Variants in C12orf57 observed in about 807,000 individuals in gnomAD.
C12orf57 encodes protein C10.
A neutral mutation model predicts 11.3 loss-of-function variants in C12orf57; 14 were observed. The ratio of observed to expected loss-of-function variants is 1.24; its 90% CI spans 0.82 to 1.94. The LOEUF (loss-of-function observed/expected upper bound fraction) is 1.94. Ranked by LOEUF, C12orf57 falls within the 30% of genes most tolerant of loss-of-function variation. The pLI is 0.00. For synonymous variants in C12orf57, 100 were observed against 74.6 expected (o/e 1.34, Z -1.76); for missense variants, 229 against 172.4 (o/e 1.33, Z -1.84).
upstream of C12orf57, chr12:6,943,633 G>A: frequency 7.8e-7 from 1 of 1,289,354 alleles, no homozygotes; most frequent in Non-Finnish European, 1.0e-6. Flanking sequence ...GAGAACAAAT[G>A]TTCGCGAACT....
At position 6,945,924 on chromosome 12, in the gene C12orf57, A is replaced by G; in HGVS notation, c.*2A>G. On this transcript the variant is annotated 3_prime_UTR_variant, in exon 3 of 3. Transcript: ENST00000229281. ...GGTGGCAGCGTGGCCGCCTCCTGAGAGTTGGCCCTCCCTTGTGCCACTGCC... is the reference window on the plus strand; with the variant it reads ...GGTGGCAGCGTGGCCGCCTCCTGAGGGTTGGCCCTCCCTTGTGCCACTGCC... 6.2e-7 allele frequency: 1 copy of G among 1,610,024 alleles called. No individual in the cohort carries two copies. The highest frequency in any genetic ancestry group is 1.1e-5 in the South Asian group (1 of 90,734).
chr12:6,943,948 T>C (rs142663826), upstream of C12orf57: 1,527 of 1,471,392 alleles, frequency 1.0e-3, 15 homozygotes, highest in South Asian at 0.011. Flanking sequence ...TTGGTGGTCT[T>C]GATGCAGTTG....
At chr12:6,944,749 T>C (rs782652214) in intron 2 of C12orf57, 97 bp downstream of exon 2, 11 of 1,572,630 alleles carry the variant, frequency 7.0e-6, no homozygotes, top group Non-Finnish European at 8.7e-6. Context: ...GTTGTCCCCT[T>C]TCTCGCCACA....
At chr12:6,943,895 CCAATGATAGATT>C, upstream of C12orf57, 1 of 1,082,600 alleles carries the variant, frequency 9.2e-7, no homozygotes, top group Non-Finnish European at 1.3e-6. Context: ...ATGTTTGTTG[CCAATGATAGATT>C]GTTTTCACTG....
Position 6,944,092 on chromosome 12 carries a change from C to G in C12orf57, c.-30C>G, listed in dbSNP as rs782442494. 1.2e-6 allele frequency: 2 copies of G among 1,614,162 alleles called. No homozygotes were observed. The highest frequency in any genetic ancestry group is 2.2e-5 in the East Asian group (1 of 44,880). On this transcript the variant is annotated 5_prime_UTR_variant, in exon 1 of 3. Coordinates refer to ENST00000229281, the MANE Select transcript of C12orf57 (RefSeq NM_138425.4). ...CTTTATTCGTGAGTTTTCCATTTAC[C>G]TCCGCTGAACCTAGAGCTTCAGACG...
intron 1 of C12orf57, 74 bp downstream of exon 1, chr12:6,944,247 G>C: frequency 6.2e-7 from 1 of 1,612,054 alleles, no homozygotes; most frequent in Non-Finnish European, 8.5e-7. Flanking sequence ...GTCTGGGGAG[G>C]ATGCGGGCGG....
chr12:6,945,707 C>A, intron 2 of C12orf57, 64 bp from the exon 3 acceptor site: 1 of 1,554,956 alleles, frequency 6.4e-7, no homozygotes, highest in Non-Finnish European at 8.8e-7. Context: ...ACTACCACCC[C>A]CTCCAGGTGT....
At chr12:6,944,297 A>G (rs1262939893) in intron 1 of C12orf57, 124 bp downstream of exon 1, 3 of 1,594,764 alleles carry the variant, frequency 1.9e-6, no homozygotes, top group South Asian at 1.1e-5. Flanking sequence ...CCGCCGGGAA[A>G]ATGGGGTAGG....
rs782446700 is a variant in C12orf57, at chr12:6,944,169, A to C, written c.48A>C (p.Ala16=). The C allele has an allele frequency of 5.0e-6, 8 of 1,614,186 alleles. No individual in the cohort carries two copies. Among genetic ancestry groups the C allele is most frequent in the Non-Finnish European group, 6.8e-6 (8 of 1,179,988 alleles). The change falls in exon 1 of 3, where the codon GCA becomes GCC. Residue 16 remains alanine (A), a synonymous_variant. Coordinates refer to ENST00000229281, the MANE Select transcript of C12orf57 (RefSeq NM_138425.4). ...CGGCGGCCTTGAGCGCTGAGCAAGCAAAGGGTGAGAATCGTCCTAGTCAAG... is the reference window on the plus strand; with the variant it reads ...CGGCGGCCTTGAGCGCTGAGCAAGCCAAGGGTGAGAATCGTCCTAGTCAAG... The part of the protein sequence containing the change: ...TQPAALSAEQ[A]KVVLAEVIQA...
At chr12:6,943,893 T>C (rs1394800192), upstream of C12orf57, 6 of 1,075,142 alleles carry the variant, frequency 5.6e-6, no homozygotes, top group South Asian at 1.6e-5. Flanking sequence ...TGATGTTTGT[T>C]GCCAATGATA....
upstream of C12orf57, chr12:6,943,991 T>G (rs1192482477): frequency 1.8e-5 from 29 of 1,588,304 alleles, no homozygotes; most frequent in African/African-American, 4.1e-5. Flanking sequence ...GGGCCACGCC[T>G]GGGCGCTTCC....
At chr12:6,943,915 C>T (rs782793528), upstream of C12orf57, 185 of 1,237,880 alleles carry the variant, frequency 1.5e-4, no homozygotes, top group African/African-American at 1.2e-3. Context: ...ATTGTTTTCA[C>T]TGTGCAAAAA....
At chr12:6,944,815 C>T (rs1408072025) in intron 2 of C12orf57, 163 bp downstream of exon 2, 1 of 1,462,384 alleles carries the variant, frequency 6.8e-7, no homozygotes, top group African/African-American at 1.4e-5. Flanking sequence ...AGGGTCTACC[C>T]TGAGCTTGTG....
rs782640048 is a variant in C12orf57, at chr12:6,944,174, G to T, written c.52+1G>T. The T allele has an allele frequency of 1.2e-6, 2 of 1,614,100 alleles. No individual in the cohort carries two copies. The highest frequency in any genetic ancestry group is 3.3e-5 in the Admixed American group (2 of 60,008). On this transcript the variant is annotated splice_donor_variant, in intron 1 of 2. Coordinates refer to ENST00000229281, the MANE Select transcript of C12orf57 (RefSeq NM_138425.4). LOFTEE classifies it high-confidence loss of function. ...GCCTTGAGCGCTGAGCAAGCAAAGG[G>T]TGAGAATCGTCCTAGTCAAGGCATA...
In C12orf57 at chr12:6,944,116, C is replaced by T. The variant is rs782600694; in HGVS notation, c.-6C>T. ...CCTCCGCTGAACCTAGAGCTTCAGA[C>T]GCCCTATGGCGTCCGCCTCGACCCA... On this transcript the variant is annotated 5_prime_UTR_variant, in exon 1 of 3. It adds an upstream start codon to the 5' untranslated region. Transcript: ENST00000229281. The T allele has an allele frequency of 3.7e-6, 6 of 1,614,066 alleles. No individual in the cohort carries two copies. The East Asian group carries it at 6.7e-5, about 18-fold the overall frequency.
chr12:6,944,479 T>C lies in C12orf57; in HGVS notation c.56T>C (p.Val19Ala), dbSNP rs1565574736. Residue 19 changes from valine (V) to alanine (A), a missense_variant, in exon 2 of 3, where the codon GTC becomes GCC. Physicochemically the swap from Val to Ala is moderately conservative, Grantham distance 64. Coordinates refer to ENST00000229281, the MANE Select transcript of C12orf57 (RefSeq NM_138425.4). ...AALSAEQAKV[V>A]LAEVIQAFSA... ...CTGGGATGCTTCTGGCGCGCAGTGG[T>C]CCTCGCGGAGGTGATCCAGGCGTTC... 2 of 1,611,906 alleles carry C rather than the reference T, an allele frequency of 1.2e-6. No homozygotes were observed. Among genetic ancestry groups the C allele is most frequent in the Non-Finnish European group, 8.5e-7 (1 of 1,179,744 alleles).
chr12:6,944,989 A>G, intron 2 of C12orf57: 1 of 685,776 alleles, frequency 1.5e-6, no homozygotes, highest in Non-Finnish European at 2.2e-6. Context: ...TGTTTCATAT[A>G]CACGCACCTT....
At chr12:6,943,785 T>C, upstream of C12orf57, 1 of 955,570 alleles carries the variant, frequency 1.0e-6, no homozygotes, top group East Asian at 4.7e-5. Context: ...AGTTCCTTTA[T>C]ATCCCATCTT....
chr12:6,945,027 A>ATAATAGTCT, intron 2 of C12orf57: 2 of 454,566 alleles, frequency 4.4e-6, no homozygotes, highest in Non-Finnish European at 7.3e-6. Context: ...GTAATTTTAT[A>ATAATAGTCT]TAATAGTCTG....
Sources: allele counts gnomAD v4.1 joint callset, GRCh38; gene constraint gnomAD v4.1.1; transcripts MANE v1.5; gene names NCBI Gene and HGNC (gene_info 2026-07-23, HGNC 2026-07-21).